RBPMS: variants seen among roughly 807,000 people sequenced by gnomAD.
RBPMS encodes the protein RNA-binding protein with multiple splicing.
Under a neutral mutation model 26.8 loss-of-function variants are expected in RBPMS, and 7 were observed. The observed-to-expected ratio is 0.26, with a 90% CI of 0.15 to 0.49. RBPMS has a LOEUF of 0.49. RBPMS is among the 20% of genes least tolerant of loss of function. The pLI, the probability that RBPMS is intolerant of heterozygous loss-of-function variation, is 0.98. For synonymous variants in RBPMS, 96 were observed against 93.3 expected, an observed-to-expected ratio of 1.03 and a Z score of -0.17; for missense variants, 186 against 250.0, an observed-to-expected ratio of 0.74 and a Z score of 1.73.
At chr8:30,553,490 T>C (rs956912855) in intron 6 of RBPMS, 6 of 152,274 alleles carry the variant, frequency 3.9e-5, no homozygotes, top group South Asian at 4.1e-4. Flanking sequence ...CTGACAGAGC[T>C]TGCTGTAATG....
chr8:30,391,910 CCTAA>C (rs1316608462), intron 1 of RBPMS, among the ~76,000 whole-genome samples: 2 of 151,890 alleles, frequency 1.3e-5, no homozygotes, highest in African/African-American at 2.4e-5. Context: ...ATAATTATCT[CCTAA>C]CTTTTATTGA....
At chr8:30,546,898 T>C (rs908260669) in intron 6 of RBPMS, among the ~76,000 whole-genome samples, 9 of 152,190 alleles carry the variant, frequency 5.9e-5, no homozygotes, top group African/African-American at 2.2e-4. Flanking sequence ...GGCTCTACCA[T>C]GACTAGACCC....
At chr8:30,483,624 G>A (rs1404497531) in intron 4 of RBPMS, among the ~76,000 whole-genome samples, 1 of 151,600 alleles carries the variant, frequency 6.6e-6, no homozygotes, top group Non-Finnish European at 1.5e-5. Context: ...TTAAAATTTT[G>A]CTATTTTAAT....
At chr8:30,503,739 G>A (rs1212689295) in intron 4 of RBPMS, among the ~76,000 whole-genome samples, 1 of 152,238 alleles carries the variant, frequency 6.6e-6, no homozygotes, top group East Asian at 1.9e-4. Context: ...TGGGAACTGA[G>A]TGGGTCCCAT....
At chr8:30,415,253 A>G (rs1382634655) in intron 1 of RBPMS, among the ~76,000 whole-genome samples, 1 of 151,930 alleles carries the variant, frequency 6.6e-6, no homozygotes, top group African/African-American at 2.4e-5. Flanking sequence ...TATCTCTCAA[A>G]TCTGTTGACT....
chr8:30,455,778 T>G (rs1179830114), intron 1 of RBPMS, among the ~76,000 whole-genome samples: 2 of 152,000 alleles, frequency 1.3e-5, no homozygotes, highest in South Asian at 4.2e-4. Context: ...TAGTCGCAAC[T>G]ACTCGGGAGG....
intron 4 of RBPMS, among the ~76,000 whole-genome samples, chr8:30,481,842 A>G (rs1269912027): frequency 6.6e-6 from 1 of 152,194 alleles, no homozygotes; most frequent in Non-Finnish European, 1.5e-5. Context: ...GGTATTAGAA[A>G]TCTTTCCGAT....
intron 1 of RBPMS, among the ~76,000 whole-genome samples, chr8:30,466,214 A>C (rs935780391): frequency 6.6e-6 from 1 of 152,184 alleles, no homozygotes; most frequent in Non-Finnish European, 1.5e-5. Context: ...TTATTAATAT[A>C]TGGATGGCTT....
intron 1 of RBPMS, among the ~76,000 whole-genome samples, chr8:30,461,349 C>T (rs982674319): frequency 6.6e-6 from 1 of 152,130 alleles, no homozygotes; most frequent in African/African-American, 2.4e-5. Context: ...ATTTGCTTAA[C>T]TAAACTTTTA....
chr8:30,425,720 G>A (rs974426026), intron 1 of RBPMS, among the ~76,000 whole-genome samples: 4 of 151,904 alleles, frequency 2.6e-5, no homozygotes, highest in African/African-American at 9.7e-5. Context: ...TTTTCTTAAA[G>A]GGTTTTGGTA....
intron 8 of RBPMS, among the ~76,000 whole-genome samples, chr8:30,567,297 G>A (rs1312923874): frequency 1.3e-5 from 2 of 152,194 alleles, no homozygotes; most frequent in African/African-American, 4.8e-5. Flanking sequence ...GCCGACCCAG[G>A]AGCAGGCATC....
In RBPMS at chr8:30,539,878, C is replaced by T. The variant is rs141599055; in HGVS notation, c.398-4616C>T. 1.1e-3 allele frequency among the ~76,000 whole-genome samples: 172 copies of T among 152,182 alleles called. 1 individual carries two copies. The East Asian group carries it at 0.02, about 18-fold the overall frequency. ...AGACCTCAAGTGATCCACCCACCTC[C>T]GCCTCCCAAAGTGCTGGGATTACAG... is the stretch of plus-strand genomic sequence containing the variant. On this transcript the variant is annotated intron_variant, in intron 5 of 8. Transcript: ENST00000397323.
chr8:30,483,787 T>C (rs992219300), intron 4 of RBPMS, among the ~76,000 whole-genome samples: 4 of 152,056 alleles, frequency 2.6e-5, no homozygotes, highest in African/African-American at 9.7e-5. Flanking sequence ...CCCCAGCCCC[T>C]GGTAATCTCT....
At chr8:30,430,349 G>C (rs1239010378) in intron 1 of RBPMS, among the ~76,000 whole-genome samples, 1 of 152,220 alleles carries the variant, frequency 6.6e-6, no homozygotes, top group Non-Finnish European at 1.5e-5. Flanking sequence ...GGAGTAACAA[G>C]TTGTACGTCT....
At chr8:30,549,347 C>T (rs1826106977) in intron 6 of RBPMS, among the ~76,000 whole-genome samples, 1 of 152,218 alleles carries the variant, frequency 6.6e-6, no homozygotes, top group Non-Finnish European at 1.5e-5. Context: ...ACTGTCTGCT[C>T]CAGAGCTGTG....
At chr8:30,543,291 C>T (rs529386165) in intron 5 of RBPMS, among the ~76,000 whole-genome samples, 1 of 152,246 alleles carries the variant, frequency 6.6e-6, no homozygotes, top group South Asian at 2.1e-4. Context: ...TAGAGCAGTC[C>T]CACATCACAC....
Position 30,570,936 on chromosome 8 carries a change from C to A in RBPMS, c.*411C>A, listed in dbSNP as rs1489543695. ...GACGATCTTACACTGGTTTGGATCA[C>A]AGTTTTTGTTCTTGACTTTTGAATG... On this transcript the variant is annotated 3_prime_UTR_variant, in exon 9 of 9. Transcript: ENST00000397323. The A allele has an allele frequency of 6.6e-6, 1 of 152,166 alleles. No individual in the cohort carries two copies. Among genetic ancestry groups the A allele is most frequent in the Non-Finnish European group, 1.5e-5 (1 of 68,028 alleles). 9.4% of individuals were successfully genotyped at this position (152,166 alleles called of 1,614,324 possible).
chr8:30,459,105 A>G (rs1346030812), intron 1 of RBPMS, among the ~76,000 whole-genome samples: 2 of 151,902 alleles, frequency 1.3e-5, no homozygotes, highest in African/African-American at 4.8e-5. Context: ...CTGGGATTAC[A>G]GGCGTGCCAC....
chr8:30,411,846 C>T (rs370140741), intron 1 of RBPMS, among the ~76,000 whole-genome samples: 6 of 151,718 alleles, frequency 4.0e-5, no homozygotes, highest in African/African-American at 1.4e-4. Flanking sequence ...ATTAGCTGGG[C>T]GTTGTGGTCT....
Sources: gnomAD v4.1 joint callset for allele counts (sites outside exome capture counted in the v4.1 genomes callset) on GRCh38, gnomAD v4.1.1 for gene constraint, MANE v1.5 for transcripts, NCBI Gene and HGNC (gene_info 2026-07-23, HGNC 2026-07-21) for gene names.